Variants in EFCAB13 observed in about 807,000 individuals in gnomAD.
The protein encoded by EFCAB13 is EF-hand calcium-binding domain-containing protein 13.
Under a neutral mutation model 110.2 loss-of-function variants are expected in EFCAB13, and 91 were observed. The ratio of observed to expected loss-of-function variants is 0.83; its 90% CI spans 0.70 to 0.98. The LOEUF is 0.98. Among genes scored for constraint, EFCAB13 ranks in the 50% least tolerant of loss-of-function variants. The probability of loss-of-function intolerance (pLI) is 0.00; values close to 1 mark genes in which losing one functional copy is unlikely to be tolerated. For synonymous variants in EFCAB13, 323 were observed against 369.9 expected (o/e 0.87, Z 1.45); for missense variants, 968 against 1,119.4 (o/e 0.86, Z 1.93).
At chr17:47,412,621 C>A in intron 21 of EFCAB13, 152 bp from the exon 22 acceptor site, 1 of 726,148 alleles carries the variant, frequency 1.4e-6, no homozygotes, top group Non-Finnish European at 2.1e-6. Context: ...GGGAAGTGGG[C>A]CATCAGTTAC....
chr17:47,410,611 A>G (rs2065829414), intron 21 of EFCAB13, among the ~76,000 whole-genome samples: 1 of 152,218 alleles, frequency 6.6e-6, no homozygotes, highest in Admixed American at 6.5e-5. Flanking sequence ...TCAAGGTACA[A>G]TTCTTCTTGA....
chr17:47,422,614 A>G (rs1426210986), intron 23 of EFCAB13, among the ~76,000 whole-genome samples: 1 of 152,186 alleles, frequency 6.6e-6, no homozygotes, highest in Non-Finnish European at 1.5e-5. Flanking sequence ...TTTGCCACAA[A>G]CAATTATAAA....
At chr17:47,381,822 G>A (rs943874674) in intron 14 of EFCAB13, among the ~76,000 whole-genome samples, 4 of 152,130 alleles carry the variant, frequency 2.6e-5, no homozygotes, top group Admixed American at 1.3e-4. Flanking sequence ...TTTTGCTTAG[G>A]ATTGTCTTGG....
intron 23 of EFCAB13, among the ~76,000 whole-genome samples, chr17:47,416,659 A>G (rs1397884385): frequency 6.6e-6 from 1 of 151,926 alleles, no homozygotes; most frequent in Non-Finnish European, 1.5e-5. Context: ...TGTTTAGCTC[A>G]CACTTATAAG....
intron 11 of EFCAB13, among the ~76,000 whole-genome samples, chr17:47,372,765 A>G (rs1267119799): frequency 1.3e-5 from 2 of 152,144 alleles, no homozygotes; most frequent in African/African-American, 4.8e-5. Context: ...TCCATTCTCT[A>G]TGGACCCATA....
chr17:47,366,658 G>A (rs1346238217), intron 10 of EFCAB13, among the ~76,000 whole-genome samples: 1 of 152,106 alleles, frequency 6.6e-6, no homozygotes, highest in East Asian at 1.9e-4. Flanking sequence ...GTTTCAACCA[G>A]GAATCATTCT....
At position 47,374,829 on chromosome 17, in the gene EFCAB13, G is replaced by C. The variant is rs773182080; in HGVS notation, c.1235G>C (p.Ser412Thr). Residue 412 changes from serine to threonine, a missense_variant, in exon 12 of 25, where the codon AGT (serine) becomes ACT (threonine). Transcript: ENST00000331493. ...DSKSKPQSLKSSTSLSKSLDK... is the reference protein window; with the variant it reads ...DSKSKPQSLKTSTSLSKSLDK... Reference sequence around the variant, plus strand: ...AAGTCTAAACCACAAAGCTTGAAGAGTAGTACAAGCCTCAGTAAGTCTCTG... The same window carrying C: ...AAGTCTAAACCACAAAGCTTGAAGACTAGTACAAGCCTCAGTAAGTCTCTG... 1 of 1,614,072 alleles carries C rather than the reference G, an allele frequency of 6.2e-7. No individual in the cohort carries two copies. Among genetic ancestry groups the C allele is most frequent in the Non-Finnish European group, 8.5e-7 (1 of 1,179,986 alleles).
intron 23 of EFCAB13, among the ~76,000 whole-genome samples, chr17:47,420,583 G>A (rs1448539772): frequency 3.9e-4 from 59 of 151,934 alleles, no homozygotes; most frequent in African/African-American, 1.4e-3. Context: ...GATGTGGGGA[G>A]CGCCTCTGCC....
chr17:47,427,403 C>T (rs1267010323), intron 23 of EFCAB13, among the ~76,000 whole-genome samples: 2 of 151,998 alleles, frequency 1.3e-5, no homozygotes, highest in Non-Finnish European at 2.9e-5. Flanking sequence ...GAATTTGAAA[C>T]ACATTTTGCT....
At chr17:47,334,062 A>C (rs867046335) in intron 4 of EFCAB13, among the ~76,000 whole-genome samples, 4 of 152,270 alleles carry the variant, frequency 2.6e-5, no homozygotes, top group South Asian at 4.1e-4. Flanking sequence ...TTTTGAATCC[A>C]TGAACTTGGG....
intron 24 of EFCAB13, among the ~76,000 whole-genome samples, chr17:47,438,856 G>A (rs145680639): frequency 1.1e-4 from 17 of 152,158 alleles, no homozygotes; most frequent in African/African-American, 4.1e-4. Context: ...TTCCTACCAA[G>A]CTTTATGTAA....
intron 10 of EFCAB13, among the ~76,000 whole-genome samples, chr17:47,366,043 C>T (rs900628148): frequency 1.3e-5 from 2 of 152,074 alleles, no homozygotes; most frequent in African/African-American, 2.4e-5. Flanking sequence ...TAACACAGTC[C>T]TGCTAAAAGA....
At chr17:47,364,967 CT>C (rs1176052476) in intron 10 of EFCAB13, among the ~76,000 whole-genome samples, 1 of 152,152 alleles carries the variant, frequency 6.6e-6, no homozygotes, top group Non-Finnish European at 1.5e-5. Context: ...TTCCTTGAAC[CT>C]TTTTCTCCCC....
intron 17 of EFCAB13, among the ~76,000 whole-genome samples, chr17:47,396,371 A>T (rs1244764580): frequency 6.6e-6 from 1 of 152,174 alleles, no homozygotes; most frequent in Non-Finnish European, 1.5e-5. Flanking sequence ...TTAATTTGGT[A>T]GAAAAACACA....
intron 9 of EFCAB13, among the ~76,000 whole-genome samples, chr17:47,352,067 A>G (rs1277541577): frequency 6.6e-6 from 1 of 150,806 alleles, no homozygotes; most frequent in Non-Finnish European, 1.5e-5. Flanking sequence ...ACGCCTGGCT[A>G]ATTTTTTTGT....
chr17:47,377,169 A>G (rs1041197227), intron 12 of EFCAB13, among the ~76,000 whole-genome samples: 6 of 152,098 alleles, frequency 3.9e-5, no homozygotes, highest in African/African-American at 1.4e-4. Context: ...AATTTTACAC[A>G]CACACATACA....
intron 16 of EFCAB13, 59 bp downstream of exon 16, chr17:47,394,158 G>A: frequency 8.6e-7 from 1 of 1,163,098 alleles, no homozygotes. Context: ...ACAGATTTTA[G>A]AAGAGCGTAA....
At chr17:47,411,008 C>T (rs1050801861) in intron 21 of EFCAB13, among the ~76,000 whole-genome samples, 1 of 152,110 alleles carries the variant, frequency 6.6e-6, no homozygotes, top group Non-Finnish European at 1.5e-5. Context: ...TATCATTGGG[C>T]CAAGGAATAT....
At chr17:47,364,882 T>G (rs1255815174) in intron 10 of EFCAB13, among the ~76,000 whole-genome samples, 8 of 152,234 alleles carry the variant, frequency 5.3e-5, no homozygotes, top group Admixed American at 6.5e-5. Flanking sequence ...TTCCTTGCTC[T>G]CTGTGCCTTC....
Sources: allele counts gnomAD v4.1 joint callset (sites outside exome capture counted in the v4.1 genomes callset), GRCh38; gene constraint gnomAD v4.1.1; transcripts MANE v1.5; gene names NCBI Gene and HGNC (gene_info 2026-07-23, HGNC 2026-07-21).